FAF1: variants seen among roughly 807,000 people sequenced by gnomAD.
The protein encoded by FAF1 is Fas associated factor 1.
A neutral mutation model predicts 92.5 loss-of-function variants in FAF1; 25 were observed. That is an observed-to-expected ratio of 0.27 (90% CI 0.20 to 0.38). The LOEUF is 0.38. FAF1 is among the 10% of genes least tolerant of loss of function. FAF1 has a pLI of 1.00. For missense variants in FAF1, 636 were observed against 793.3 expected (o/e 0.80, Z 2.38); for synonymous variants, 234 against 273.2 (o/e 0.86, Z 1.42).
chr1:50,871,142 T>C (rs1351354083), intron 1 of FAF1, among the ~76,000 whole-genome samples: 1 of 152,230 alleles, frequency 6.6e-6, no homozygotes, highest in Admixed American at 6.5e-5. Context: ...CAAACTTGCT[T>C]ACATTCTACG....
intron 7 of FAF1, among the ~76,000 whole-genome samples, chr1:50,677,753 G>A (rs1301339621): frequency 1.3e-5 from 2 of 151,880 alleles, no homozygotes; most frequent in African/African-American, 2.4e-5. Context: ...AATTAGCTGG[G>A]CATGGTGGGC....
At chr1:50,657,501 G>A (rs558107218) in intron 7 of FAF1, among the ~76,000 whole-genome samples, 2 of 152,142 alleles carry the variant, frequency 1.3e-5, no homozygotes, top group East Asian at 3.9e-4. Flanking sequence ...GATAGAGGCA[G>A]CAATGAGCCA....
intron 5 of FAF1, among the ~76,000 whole-genome samples, chr1:50,741,609 GC>G (rs1659392315): frequency 6.6e-6 from 1 of 152,230 alleles, no homozygotes; most frequent in Non-Finnish European, 1.5e-5. Context: ...GACAAGAGAT[GC>G]TCATGGCCTC....
At chr1:50,485,858 G>A (rs1646762065) in intron 17 of FAF1, among the ~76,000 whole-genome samples, 1 of 151,942 alleles carries the variant, frequency 6.6e-6, no homozygotes, top group Non-Finnish European at 1.5e-5. Flanking sequence ...ATGGTGGCAG[G>A]GGAGAGAGAG....
chr1:50,527,694 T>C (rs1647886503), intron 15 of FAF1, among the ~76,000 whole-genome samples: 1 of 152,186 alleles, frequency 6.6e-6, no homozygotes, highest in South Asian at 2.1e-4. Context: ...GTAAAGTATC[T>C]CTCTAGTAGT....
intron 2 of FAF1, among the ~76,000 whole-genome samples, chr1:50,822,726 C>T (rs1009859688): frequency 2.0e-5 from 3 of 150,524 alleles, no homozygotes; most frequent in African/African-American, 7.3e-5. Flanking sequence ...TGTCTAAAGG[C>T]TAGTAGTTTT....
intron 8 of FAF1, among the ~76,000 whole-genome samples, chr1:50,613,010 T>C (rs575871945): frequency 3.2e-4 from 48 of 152,334 alleles, no homozygotes; most frequent in Non-Finnish European, 6.3e-4. Flanking sequence ...TTAGCTGCCA[T>C]GGGGCTCTTA....
rs567834316 is a variant in FAF1 at position 50,682,253 on chromosome 1, A to C, written c.657+23533T>G. 3.3e-5 allele frequency among the ~76,000 whole-genome samples: 5 copies of C among 152,180 alleles called. No homozygotes were observed. The East Asian group carries it at 9.7e-4, about 30-fold the overall frequency. Reference sequence around the variant, plus strand: ...CAGTCCTCACATCAGTAATCTCTGCACTTTGGGAGGCCAAGGTGGGCCCAT... The same window carrying C: ...CAGTCCTCACATCAGTAATCTCTGCCCTTTGGGAGGCCAAGGTGGGCCCAT... On this transcript the variant is annotated intron_variant, in intron 7 of 18. Transcript: ENST00000396153.
chr1:50,760,867 A>C (rs913172593), intron 4 of FAF1, among the ~76,000 whole-genome samples: 1 of 152,164 alleles, frequency 6.6e-6, no homozygotes, highest in Non-Finnish European at 1.5e-5. Flanking sequence ...TAGAGACACA[A>C]AAAACCCTTC....
chr1:50,653,477 A>C (rs943164634), intron 8 of FAF1, among the ~76,000 whole-genome samples: 2 of 152,102 alleles, frequency 1.3e-5, no homozygotes, highest in East Asian at 3.9e-4. Flanking sequence ...TAGCCCCCCA[A>C]GTAGCTGGGA....
intron 15 of FAF1, among the ~76,000 whole-genome samples, chr1:50,527,125 G>A (rs1287217906): frequency 6.6e-6 from 1 of 152,076 alleles, no homozygotes; most frequent in Non-Finnish European, 1.5e-5. Context: ...CAAAGTGCTG[G>A]GATTACAGGA....
intron 2 of FAF1, among the ~76,000 whole-genome samples, chr1:50,852,465 G>A (rs538718897): frequency 1.5e-4 from 23 of 152,216 alleles, no homozygotes; most frequent in South Asian, 6.2e-4. Flanking sequence ...GAATCTATTT[G>A]AAAACAAAGC....
chr1:50,896,047 G>A (rs1019697227), intron 1 of FAF1, among the ~76,000 whole-genome samples: 3 of 152,182 alleles, frequency 2.0e-5, no homozygotes, highest in African/African-American at 7.2e-5. Flanking sequence ...ACTAGCTAGA[G>A]CAATCAGACA....
At chr1:50,674,350 C>A (rs1433053951) in intron 7 of FAF1, among the ~76,000 whole-genome samples, 2 of 151,774 alleles carry the variant, frequency 1.3e-5, no homozygotes, top group Non-Finnish European at 2.9e-5. Context: ...TCCCCTCACT[C>A]CTTGCCAAAG....
At chr1:50,538,631 T>C (rs1004952265) in intron 14 of FAF1, among the ~76,000 whole-genome samples, 1 of 151,994 alleles carries the variant, frequency 6.6e-6, no homozygotes, top group Non-Finnish European at 1.5e-5. Flanking sequence ...GGGTCTAGTC[T>C]GATGTCTACA....
intron 8 of FAF1, among the ~76,000 whole-genome samples, chr1:50,598,708 C>T (rs533523602): frequency 2.6e-5 from 4 of 152,206 alleles, no homozygotes; most frequent in African/African-American, 2.4e-5. Flanking sequence ...CGGTGGCTCA[C>T]GCCTGTAATC....
chr1:50,619,518 T>C (rs113069567), intron 8 of FAF1, among the ~76,000 whole-genome samples: 2 of 152,316 alleles, frequency 1.3e-5, no homozygotes, highest in African/African-American at 4.8e-5. Flanking sequence ...GATATGAAAT[T>C]CTTGGTTGAA....
At position 50,720,088 on chromosome 1, in the gene FAF1, A is replaced by T. The variant is rs564388043; in HGVS notation, c.552-14197T>A. Among the ~76,000 whole-genome samples the T allele has an allele frequency of 1.1e-4, 16 of 150,546 alleles. No individual in the cohort carries two copies. In the South Asian group the frequency reaches 1.9e-3, roughly 18 times the overall value. ...GCAATCTTGACTCACTGCAATCTCC[A>T]CCTCCTGAGTTGAAGCAATTGTCTT... On this transcript the variant is annotated intron_variant, in intron 6 of 18. Transcript: ENST00000396153.
intron 4 of FAF1, among the ~76,000 whole-genome samples, chr1:50,778,768 T>C (rs1661051710): frequency 6.6e-6 from 1 of 151,962 alleles, no homozygotes; most frequent in Middle Eastern, 3.4e-3. Context: ...CACAGTAAAC[T>C]AAGAGTGTGC....
Sources: gnomAD v4.1 joint callset for allele counts (sites outside exome capture counted in the v4.1 genomes callset) on GRCh38, gnomAD v4.1.1 for gene constraint, MANE v1.5 for transcripts, NCBI Gene and HGNC (gene_info 2026-07-23, HGNC 2026-07-21) for gene names.